The following KIRREL3 variants were observed in gnomAD, a reference collection of about 807,000 sequenced individuals.
The protein encoded by KIRREL3 is kirre like nephrin family adhesion molecule 3.
Under a neutral mutation model 89.7 loss-of-function variants are expected in KIRREL3, and 36 were observed. That is an observed-to-expected ratio of 0.40 (90% CI 0.31 to 0.53). The LOEUF (loss-of-function observed/expected upper bound fraction) is 0.53, where lower values mean the gene tolerates loss of function less well. Among genes scored for constraint, KIRREL3 ranks in the 20% least tolerant of loss-of-function variants. The pLI is 0.49. For missense variants in KIRREL3, 864 were observed against 1,056.6 expected (o/e 0.82, Z 2.53); for synonymous variants, 445 against 441.4 (o/e 1.01, Z -0.10).
intron 1 of KIRREL3, among the ~76,000 whole-genome samples, chr11:126,829,349 A>T (rs770502997): frequency 6.6e-6 from 1 of 152,248 alleles, no homozygotes; most frequent in Non-Finnish European, 1.5e-5. Flanking sequence ...GTGAAAAAGA[A>T]TCAATTTGCG....
chr11:126,536,292 A>G (rs1937865706), intron 2 of KIRREL3, among the ~76,000 whole-genome samples: 1 of 151,862 alleles, frequency 6.6e-6, no homozygotes, highest in African/African-American at 2.4e-5. Context: ...TGTATCGGAT[A>G]GGAAGGTGGC....
intron 1 of KIRREL3, among the ~76,000 whole-genome samples, chr11:126,868,185 C>T (rs920284837): frequency 1.3e-5 from 2 of 152,122 alleles, no homozygotes; most frequent in African/African-American, 4.8e-5. Context: ...TGGCATACCA[C>T]ACACATGGAG....
At chr11:126,456,299 G>T (rs138262312) in intron 7 of KIRREL3, 50 bp downstream of exon 7, 1 of 1,290,286 alleles carries the variant, frequency 7.8e-7, no homozygotes. Flanking sequence ...TGAGAGGCAC[G>T]GGGGTGGGGG....
chr11:126,782,328 T>C lies in KIRREL3; in HGVS notation c.55+218127A>G, dbSNP rs1200391777. On this transcript the variant is annotated intron_variant, in intron 1 of 16. Transcript: ENST00000525144. This position sits in a 1 kb window ranked among gnomAD's most constrained non-coding sequence, Gnocchi z 4.1. ...TGCTAAGCTGAGATTTTTTGATGTTTATTTGTTCCTGCAGCTTTGCCTGGC... is the reference window on the plus strand; with the variant it reads ...TGCTAAGCTGAGATTTTTTGATGTTCATTTGTTCCTGCAGCTTTGCCTGGC... Among the ~76,000 whole-genome samples, 1 of 152,218 alleles carries C rather than the reference T, an allele frequency of 6.6e-6. No homozygotes were observed.
chr11:126,546,328 C>A (rs1019373335), intron 2 of KIRREL3, among the ~76,000 whole-genome samples: 1 of 152,178 alleles, frequency 6.6e-6, no homozygotes, highest in Non-Finnish European at 1.5e-5. Context: ...CAAGGCTTCC[C>A]AGCTGGTAGA....
Position 126,879,222 on chromosome 11 carries a change from A to G in KIRREL3, c.55+121233T>C, listed in dbSNP as rs564001629. Among the ~76,000 whole-genome samples, 1 of 152,332 alleles carries G rather than the reference A, an allele frequency of 6.6e-6. No homozygotes were observed. The highest frequency in any genetic ancestry group is 2.4e-5 in the African/African-American group (1 of 41,582). ...CCTATAACCAGGATGCAGATGCTAT[A>G]TGCAGCTGTTATGCAAAGAAGCTCT... On this transcript the variant is annotated intron_variant, in intron 1 of 16. Transcript: ENST00000525144. The surrounding 1 kb of genome is among the most constrained non-coding windows in gnomAD (Gnocchi z 5.4).
At chr11:126,626,409 A>T (rs758918217) in intron 1 of KIRREL3, among the ~76,000 whole-genome samples, 1 of 152,252 alleles carries the variant, frequency 6.6e-6, no homozygotes, top group Non-Finnish European at 1.5e-5. Context: ...ATATTGAAAC[A>T]TTCAGTAACC....
intron 2 of KIRREL3, among the ~76,000 whole-genome samples, chr11:126,532,799 A>G (rs1440781200): frequency 6.6e-6 from 1 of 152,150 alleles, no homozygotes; most frequent in East Asian, 1.9e-4. Context: ...GGTTGAGGGT[A>G]AAGTTTAGTA....
In KIRREL3 at chr11:126,729,605, A is replaced by G. The variant is rs1434605965; in HGVS notation, c.56-166693T>C. Among the ~76,000 whole-genome samples, 1 of 152,176 alleles carries G rather than the reference A, an allele frequency of 6.6e-6. No individual in the cohort carries two copies. The highest frequency in any genetic ancestry group is 2.4e-5 in the African/African-American group (1 of 41,432). ...GGCAAGAAAGGAGCAGCTCCCTGGC[A>G]TTTTGCTGCTGGAGCACGGAAGCAG... On this transcript the variant is annotated intron_variant, in intron 1 of 16. Transcript: ENST00000525144. The surrounding 1 kb of genome is among the most constrained non-coding windows in gnomAD (Gnocchi z 4.5).
At chr11:126,979,710 T>C (rs369885769) in intron 1 of KIRREL3, among the ~76,000 whole-genome samples, 3 of 152,222 alleles carry the variant, frequency 2.0e-5, no homozygotes, top group African/African-American at 7.2e-5. Flanking sequence ...GTTTCCTTCA[T>C]AGTGTTTCTG....
chr11:126,571,561 C>T lies in KIRREL3; in HGVS notation c.56-8649G>A, dbSNP rs1289614511. 6.6e-6 allele frequency among the ~76,000 whole-genome samples: 1 copy of T among 152,212 alleles called. No homozygotes were observed. The highest frequency in any genetic ancestry group is 1.5e-5 in the Non-Finnish European group (1 of 68,032). ...ATTAGTCTCTGGGCTGAGCACTTTG[C>T]ATGCCTTACCTTCTTTATTCCTCAT... On this transcript the variant is annotated intron_variant, in intron 1 of 16. Transcript: ENST00000525144. The surrounding 1 kb of genome is among the most constrained non-coding windows in gnomAD (Gnocchi z 7.7).
intron 1 of KIRREL3, among the ~76,000 whole-genome samples, chr11:126,695,406 C>CAA (rs36034228): frequency 0.01 from 644 of 63,754 alleles, no homozygotes; most frequent in Non-Finnish European, 0.012. Flanking sequence ...TTAGCTTTAC[C>CAA]AAAAAAAAAA....
intron 1 of KIRREL3, among the ~76,000 whole-genome samples, chr11:126,840,555 C>T (rs911898351): frequency 6.6e-6 from 1 of 152,144 alleles, no homozygotes; most frequent in Non-Finnish European, 1.5e-5. Context: ...TTTCACGCTC[C>T]GATTTCAGTT....
chr11:126,463,398 C>G lies in KIRREL3; in HGVS notation c.592-91G>C, dbSNP rs114747459. On this transcript the variant is annotated intron_variant, in intron 5 of 16. Coordinates refer to ENST00000525144, the MANE Select transcript of KIRREL3 (RefSeq NM_032531.4). This position sits in a 1 kb window ranked among gnomAD's most constrained non-coding sequence, Gnocchi z 5.9. ...GGGGGTAAACGAGCACCAGCTTAGA[C>G]AGAAGGGGGAGCTGTGGATGGAGGG... 3 of 1,306,610 alleles carry G rather than the reference C, an allele frequency of 2.3e-6. No individual in the cohort carries two copies. In the East Asian group the frequency reaches 7.3e-5, roughly 32 times the overall value. The allele number at this position is 1,306,610 out of a possible 1,614,324, so 80.9% of individuals were successfully genotyped here. A position where few individuals can be genotyped will look rare whatever the true frequency, so the allele number is the denominator to read the frequency against.
Position 127,000,462 on chromosome 11 carries a change from G to A in KIRREL3, c.48C>T (p.Phe16=), listed in dbSNP as rs75928922. 7.0e-4 allele frequency: 1,124 copies of A among 1,606,400 alleles called. 20 individuals carry two copies. In the East Asian group the frequency reaches 0.022, roughly 32 times the overall value. The change falls in exon 1 of 17, where the codon TTC becomes TTT. Residue 16 remains phenylalanine, a synonymous_variant. Transcript: ENST00000525144. This position sits in a 1 kb window ranked among gnomAD's most constrained non-coding sequence, Gnocchi z 7.1. ...GCAGCGCAGGGGTCCTACCTTGACT[G>A]AAGAGGAAGAAGCAGACGAAGAGCA... ...LDLLFVCFFL[F]SQELGLQKRG...
intron 12 of KIRREL3, among the ~76,000 whole-genome samples, chr11:126,436,126 C>T (rs1467444979): frequency 6.6e-6 from 1 of 152,156 alleles, no homozygotes; most frequent in East Asian, 1.9e-4. Flanking sequence ...CGTCAGCGCA[C>T]GGGGGCACAG....
Position 126,645,994 on chromosome 11 carries a change from T to C in KIRREL3, c.56-83082A>G, listed in dbSNP as rs1173055136. ...CACTCGGAATGATGTACGAGTACTCTTGTCCTCAAAATGATTCTTCATGAG... is the reference window on the plus strand; with the variant it reads ...CACTCGGAATGATGTACGAGTACTCCTGTCCTCAAAATGATTCTTCATGAG... On this transcript the variant is annotated intron_variant, in intron 1 of 16. Transcript: ENST00000525144. This position sits in a 1 kb window ranked among gnomAD's most constrained non-coding sequence, Gnocchi z 4.9. 6.6e-6 allele frequency among the ~76,000 whole-genome samples: 1 copy of C among 152,236 alleles called. No homozygotes were observed. The highest frequency in any genetic ancestry group is 1.5e-5 in the Non-Finnish European group (1 of 68,042).
In KIRREL3 at chr11:126,900,689, C is replaced by T. The variant is rs990456555; in HGVS notation, c.55+99766G>A. ...AGTCAAACTTTAAAGTATAATATGC[C>T]GTGATCTTGTTAAAATCTTTCCTGT... On this transcript the variant is annotated intron_variant, in intron 1 of 16. Transcript: ENST00000525144. The surrounding 1 kb of genome is among the most constrained non-coding windows in gnomAD (Gnocchi z 4.4). Among the ~76,000 whole-genome samples, 2 of 152,154 alleles carry T rather than the reference C, an allele frequency of 1.3e-5. No individual in the cohort carries two copies. The highest frequency in any genetic ancestry group is 1.9e-4 in the East Asian group (1 of 5,192).
Position 126,877,259 on chromosome 11 carries a change from T to A in KIRREL3, c.55+123196A>T, listed in dbSNP as rs183630411. On this transcript the variant is annotated intron_variant, in intron 1 of 16. Coordinates refer to ENST00000525144, the MANE Select transcript of KIRREL3 (RefSeq NM_032531.4). The surrounding 1 kb of genome is among the most constrained non-coding windows in gnomAD (Gnocchi z 4.9). ...TTCTCTTCTCCAGCCAGCCAAGAGC[T>A]GCATTACATCTGGAACTGGGCTCAG... is the stretch of plus-strand genomic sequence containing the variant. 6.6e-6 allele frequency among the ~76,000 whole-genome samples: 1 copy of A among 152,370 alleles called. No individual in the cohort carries two copies. The highest frequency in any genetic ancestry group is 2.1e-4 in the South Asian group (1 of 4,834).
Sources: allele counts gnomAD v4.1 joint callset (sites outside exome capture counted in the v4.1 genomes callset), GRCh38; gene constraint gnomAD v4.1.1; non-coding constraint Gnocchi (gnomAD v3.1); transcripts MANE v1.5; gene names NCBI Gene and HGNC (gene_info 2026-07-23, HGNC 2026-07-21).